ST6GALNAC3: variants seen among roughly 807,000 people sequenced by gnomAD.
The protein encoded by ST6GALNAC3 is alpha-N-acetylgalactosaminide alpha-2,6-sialyltransferase 3.
ST6GALNAC3 carries 25 observed loss-of-function variants against 32.7 expected under a neutral mutation model. That is an observed-to-expected ratio of 0.76 (90% CI 0.56 to 1.07). ST6GALNAC3 has a LOEUF of 1.07. ST6GALNAC3 is among the 50% of genes least tolerant of loss of function. ST6GALNAC3 has a pLI of 0.00. For synonymous variants in ST6GALNAC3, 129 were observed against 133.1 expected, an observed-to-expected ratio of 0.97 and a Z score of 0.21; for missense variants, 355 against 382.4, an observed-to-expected ratio of 0.93 and a Z score of 0.60.
chr1:76,285,477 T>C (rs1293868835), intron 1 of ST6GALNAC3, among the ~76,000 whole-genome samples: 1 of 151,954 alleles, frequency 6.6e-6, no homozygotes, highest in African/African-American at 2.4e-5. Flanking sequence ...GCCGTGGCAG[T>C]TTTAGGGCTC....
intron 2 of ST6GALNAC3, among the ~76,000 whole-genome samples, chr1:76,330,216 G>A (rs1647164315): frequency 6.6e-6 from 1 of 150,626 alleles, no homozygotes; most frequent in African/African-American, 2.4e-5. Context: ...GCAGTGGCGT[G>A]ATCTCAGCTC....
intron 3 of ST6GALNAC3, among the ~76,000 whole-genome samples, chr1:76,464,722 A>T (rs1463201932): frequency 6.6e-6 from 1 of 152,208 alleles, no homozygotes; most frequent in Non-Finnish European, 1.5e-5. Flanking sequence ...GAATCTTTAA[A>T]TTATCATTAT....
chr1:76,219,476 G>GC (rs1029810784), intron 1 of ST6GALNAC3, among the ~76,000 whole-genome samples: 4 of 152,188 alleles, frequency 2.6e-5, no homozygotes, highest in Non-Finnish European at 5.9e-5. Flanking sequence ...TGAACCCTCT[G>GC]CCTGGTGTTT....
intron 1 of ST6GALNAC3, among the ~76,000 whole-genome samples, chr1:76,204,914 G>A (rs180833461): frequency 1.5e-4 from 23 of 152,136 alleles, no homozygotes; most frequent in Non-Finnish European, 2.9e-4. Flanking sequence ...GGGTTCTTTC[G>A]CAGACTTAGA....
chr1:76,492,790 C>T (rs1227558915), intron 3 of ST6GALNAC3, among the ~76,000 whole-genome samples: 3 of 152,076 alleles, frequency 2.0e-5, no homozygotes, highest in African/African-American at 7.2e-5. Context: ...TGAGATGAAG[C>T]ATATGGTTTG....
intron 1 of ST6GALNAC3, among the ~76,000 whole-genome samples, chr1:76,087,391 T>C (rs886199228): frequency 1.3e-5 from 2 of 152,144 alleles, no homozygotes; most frequent in Non-Finnish European, 2.9e-5. Flanking sequence ...TAGAGACATG[T>C]GAAGAGGAAG....
chr1:76,487,141 C>G (rs1193528760), intron 3 of ST6GALNAC3, among the ~76,000 whole-genome samples: 1 of 152,222 alleles, frequency 6.6e-6, no homozygotes, highest in Non-Finnish European at 1.5e-5. Flanking sequence ...CGACCTTTCT[C>G]TCTGGCTGCC....
chr1:76,229,089 T>C (rs1656223997), intron 1 of ST6GALNAC3, among the ~76,000 whole-genome samples: 1 of 152,096 alleles, frequency 6.6e-6, no homozygotes, highest in African/African-American at 2.4e-5. Flanking sequence ...AGACCCTATA[T>C]GAAAACAGAA....
At chr1:76,381,285 AGGCAGTATT>A (rs1177525738) in intron 2 of ST6GALNAC3, among the ~76,000 whole-genome samples, 1 of 151,822 alleles carries the variant, frequency 6.6e-6, no homozygotes, top group Non-Finnish European at 1.5e-5. Context: ...TCTAACCAAA[AGGCAGTATT>A]ACCATCCTTG....
At position 76,121,673 on chromosome 1, in the gene ST6GALNAC3, G is replaced by A. The variant is rs113093762; in HGVS notation, c.18+46789G>A. ...GGAGCTAGCAGTGAGCCGAGATTGC[G>A]CCACTGTACTCCAGCCTGGGCAACA... On this transcript the variant is annotated intron_variant, in intron 1 of 4. Coordinates refer to ENST00000328299, the MANE Select transcript of ST6GALNAC3 (RefSeq NM_152996.4). Among the ~76,000 whole-genome samples, 1,042 of 152,090 alleles carry A rather than the reference G, an allele frequency of 6.9e-3. 17 individuals carry two copies. The highest frequency in any genetic ancestry group is 0.024 in the African/African-American group (997 of 41,460).
intron 1 of ST6GALNAC3, among the ~76,000 whole-genome samples, chr1:76,167,357 T>C (rs777798879): frequency 1.3e-5 from 2 of 152,162 alleles, no homozygotes; most frequent in Non-Finnish European, 2.9e-5. Context: ...GCCTATTTGA[T>C]TGTGGTAGAT....
intron 3 of ST6GALNAC3, among the ~76,000 whole-genome samples, chr1:76,468,188 A>T (rs1038914159): frequency 1.3e-5 from 2 of 151,924 alleles, no homozygotes; most frequent in Admixed American, 1.3e-4. Context: ...GTGTTTGCCC[A>T]TATGTAAAAT....
chr1:76,252,327 T>C (rs974461102), intron 1 of ST6GALNAC3, among the ~76,000 whole-genome samples: 1 of 152,190 alleles, frequency 6.6e-6, no homozygotes, highest in Non-Finnish European at 1.5e-5. Context: ...AATCTACTAC[T>C]GTTATATAAA....
intron 1 of ST6GALNAC3, among the ~76,000 whole-genome samples, chr1:76,119,173 C>T (rs573802401): frequency 2.3e-4 from 35 of 152,292 alleles, no homozygotes; most frequent in African/African-American, 8.4e-4. Context: ...ACAGGCATTA[C>T]AAGGACAAGG....
At chr1:76,106,276 G>C (rs1407086686) in intron 1 of ST6GALNAC3, among the ~76,000 whole-genome samples, 4 of 152,158 alleles carry the variant, frequency 2.6e-5, no homozygotes, top group Non-Finnish European at 5.9e-5. Flanking sequence ...TGTTATAACA[G>C]ATCCTTGTCT....
At chr1:76,274,374 C>T (rs928260390) in intron 1 of ST6GALNAC3, among the ~76,000 whole-genome samples, 4 of 152,294 alleles carry the variant, frequency 2.6e-5, no homozygotes, top group Admixed American at 2.6e-4. Context: ...ATTTTAACAG[C>T]ATGGTGGCTT....
intron 3 of ST6GALNAC3, among the ~76,000 whole-genome samples, chr1:76,442,185 T>A (rs1038040227): frequency 6.6e-6 from 1 of 152,146 alleles, no homozygotes; most frequent in Non-Finnish European, 1.5e-5. Flanking sequence ...CCTTTATAAT[T>A]CAATGATTAG....
intron 1 of ST6GALNAC3, among the ~76,000 whole-genome samples, chr1:76,081,211 C>T (rs1158712480): frequency 6.6e-6 from 1 of 151,360 alleles, no homozygotes; most frequent in East Asian, 2.0e-4. Flanking sequence ...CTTTTGGCTT[C>T]CTTGGGCCAC....
At chr1:76,264,577 T>C (rs1020408756) in intron 1 of ST6GALNAC3, among the ~76,000 whole-genome samples, 2 of 152,180 alleles carry the variant, frequency 1.3e-5, no homozygotes, top group Non-Finnish European at 2.9e-5. Context: ...AAATCTATCC[T>C]TCAAGGTGGT....
Sources: gnomAD v4.1 joint callset for allele counts (sites outside exome capture counted in the v4.1 genomes callset) on GRCh38, gnomAD v4.1.1 for gene constraint, MANE v1.5 for transcripts, NCBI Gene and HGNC (gene_info 2026-07-23, HGNC 2026-07-21) for gene names.